Variants in TMEM170A observed in about 807,000 individuals in gnomAD.
TMEM170A encodes transmembrane protein 170A.
A neutral mutation model predicts 12.8 loss-of-function variants in TMEM170A; 18 were observed. The observed-to-expected ratio is 1.41, with a 90% CI of 0.97 to 2.09. The LOEUF (loss-of-function observed/expected upper bound fraction) is 2.09. Ranked by LOEUF, TMEM170A falls within the 30% of genes most tolerant of loss-of-function variation. The probability of loss-of-function intolerance (pLI) is 0.00; values close to 1 mark genes in which losing one functional copy is unlikely to be tolerated. For synonymous variants in TMEM170A, 107 were observed against 76.2 expected (o/e 1.40, Z -2.11); for missense variants, 220 against 179.9 (o/e 1.22, Z -1.28).
intron 1 of TMEM170A, among the ~76,000 whole-genome samples, chr16:75,452,424 C>T (rs113350703): frequency 2.3e-3 from 352 of 152,248 alleles, no homozygotes; most frequent in African/African-American, 7.7e-3. Flanking sequence ...TGTGCTACCA[C>T]GCCTGGCAAA....
At position 75,464,502 on chromosome 16, in the gene TMEM170A, C is replaced by T. The variant is rs768059440; in HGVS notation, c.99G>A (p.Leu33=). Residue 33 remains leucine, a synonymous_variant, in exon 1 of 3, where the codon CTG becomes CTA. Coordinates refer to ENST00000561878, the MANE Select transcript of TMEM170A (RefSeq NM_145254.3). ...AGCAGAGGGAAGTAGAGTTGGGGCA[C>T]AGGGTCCCGTTGCCCACCCGCGGCA... ...KVVPRVGNGT[L]CPNSTSLCSF... The T allele has an allele frequency of 6.3e-7, 1 of 1,580,364 alleles. No individual in the cohort carries two copies. Among genetic ancestry groups the T allele is most frequent in the Non-Finnish European group, 8.6e-7 (1 of 1,166,312 alleles).
At chr16:75,464,428 C>T in intron 1 of TMEM170A, 40 bp downstream of exon 1, 2 of 1,399,898 alleles carry the variant, frequency 1.4e-6, no homozygotes, top group Non-Finnish European at 1.9e-6. Flanking sequence ...GCAGCGGCGA[C>T]GGCGGGGCGC....
intron 1 of TMEM170A, among the ~76,000 whole-genome samples, chr16:75,455,687 C>G (rs866472612): frequency 2.0e-5 from 3 of 152,268 alleles, no homozygotes; most frequent in Admixed American, 1.3e-4. Context: ...TGCCTGTAAT[C>G]CCAGCTACTC....
chr16:75,447,626 T>G lies in TMEM170A; in HGVS notation c.367A>C (p.Thr123Pro). The change falls in exon 3 of 3, where the codon ACA (threonine) becomes CCA (proline). Residue 123 changes from threonine to proline, a missense_variant. Thr to Pro is a conservative substitution (Grantham distance 38). Transcript: ENST00000561878. The part of the protein sequence containing the change: ...GKEMIPFEAL[T>P]LGTGQTFCVL... ...CAAAATGTCTGTCCAGTGCCCAGTG[T>G]GAGGGCTTCAAATGGTATCATTTCC... 1 of 1,612,192 alleles carries G rather than the reference T, an allele frequency of 6.2e-7. No homozygotes were observed. Among genetic ancestry groups the G allele is most frequent in the African/African-American group, 1.3e-5 (1 of 74,694 alleles).
rs2079598497 is a variant in TMEM170A, at chr16:75,447,017, A to G, written c.*541T>C. 1 of 152,178 alleles carries G rather than the reference A, an allele frequency of 6.6e-6. No homozygotes were observed. The highest frequency in any genetic ancestry group is 1.5e-5 in the Non-Finnish European group (1 of 68,026). The allele number at this position is 152,178 out of a possible 1,614,324, so 9.4% of individuals were successfully genotyped here. A position where few individuals can be genotyped will look rare whatever the true frequency, so the allele number is the denominator to read the frequency against. ...AAAGCCACTACTTGAGTTATACTTAAATTTTTTTTCCTGCTTTATTTCACC... is the reference window on the plus strand; with the variant it reads ...AAAGCCACTACTTGAGTTATACTTAGATTTTTTTTCCTGCTTTATTTCACC... On this transcript the variant is annotated 3_prime_UTR_variant, in exon 3 of 3. Coordinates refer to ENST00000561878, the MANE Select transcript of TMEM170A (RefSeq NM_145254.3).
At chr16:75,448,521 G>A (rs563684989) in intron 2 of TMEM170A, among the ~76,000 whole-genome samples, 2 of 152,298 alleles carry the variant, frequency 1.3e-5, no homozygotes, top group South Asian at 4.1e-4. Flanking sequence ...CCAGCACTTT[G>A]GGAGGCCGAG....
chr16:75,451,731 A>T lies in TMEM170A; in HGVS notation c.242T>A (p.Phe81Tyr). The change falls in exon 2 of 3, where the codon TTC becomes TAC. Residue 81 changes from phenylalanine (F) to tyrosine (Y), a missense_variant. Coordinates refer to ENST00000561878, the MANE Select transcript of TMEM170A (RefSeq NM_145254.3). ...FTLRHHKYGR[F>Y]MSVSILLMGI... ...CATCAACAGGATGCTTACAGACATG[A>T]ACCTACCATATTTGTGATGTCTGAG... 1 of 1,614,212 alleles carries T rather than the reference A, an allele frequency of 6.2e-7. No individual in the cohort carries two copies.
At chr16:75,450,868 C>A (rs2079669024) in intron 2 of TMEM170A, among the ~76,000 whole-genome samples, 1 of 152,138 alleles carries the variant, frequency 6.6e-6, no homozygotes, top group African/African-American at 2.4e-5. Context: ...TGCTATGTTG[C>A]TGAGGCTAGT....
intron 2 of TMEM170A, among the ~76,000 whole-genome samples, chr16:75,450,677 C>T (rs2079665986): frequency 6.6e-6 from 1 of 151,972 alleles, no homozygotes; most frequent in South Asian, 2.1e-4. Flanking sequence ...TTTTTTTCCC[C>T]CGGGTCTTGC....
intron 1 of TMEM170A, among the ~76,000 whole-genome samples, chr16:75,456,844 C>A: frequency 6.6e-6 from 1 of 152,134 alleles, no homozygotes. Context: ...CAGCTGAGGC[C>A]CCCTGTCCAC....
intron 2 of TMEM170A, chr16:75,451,453 G>A (rs948716485): frequency 4.1e-5 from 25 of 607,206 alleles, no homozygotes; most frequent in Middle Eastern, 4.3e-4. Context: ...GGAGGCTGAT[G>A]GAGGAGGATT....
chr16:75,460,559 T>C (rs2079885229), intron 1 of TMEM170A, among the ~76,000 whole-genome samples: 1 of 152,162 alleles, frequency 6.6e-6, no homozygotes, highest in African/African-American at 2.4e-5. Flanking sequence ...TTCTTCAGAT[T>C]TTGACTCCAA....
chr16:75,447,615 A>G lies in TMEM170A; in HGVS notation c.378T>C (p.Thr126=), dbSNP rs377575254. 4 of 1,613,664 alleles carry G rather than the reference A, an allele frequency of 2.5e-6. No individual in the cohort carries two copies. The highest frequency in any genetic ancestry group is 2.7e-5 in the African/African-American group (2 of 75,026). Residue 126 remains threonine (T), a synonymous_variant, in exon 3 of 3, where the codon ACT becomes ACC. Transcript: ENST00000561878. ...CCACCAAGACGCAAAATGTCTGTCC[A>G]GTGCCCAGTGTGAGGGCTTCAAATG... is the stretch of plus-strand genomic sequence containing the variant. ...MIPFEALTLG[T]GQTFCVLVVS... is the part of the protein sequence containing the mutation.
chr16:75,463,611 G>C (rs1318898204), intron 1 of TMEM170A, among the ~76,000 whole-genome samples: 6 of 152,218 alleles, frequency 3.9e-5, no homozygotes, highest in Non-Finnish European at 8.8e-5. Context: ...GAAGACCTCA[G>C]TCCCCTCTGC....
intron 1 of TMEM170A, among the ~76,000 whole-genome samples, chr16:75,459,682 C>T (rs958659764): frequency 6.6e-6 from 1 of 152,040 alleles, no homozygotes. Context: ...CACAGTGAAA[C>T]CCCATCTCTA....
chr16:75,447,447 T>C lies in TMEM170A; in HGVS notation c.*111A>G. On this transcript the variant is annotated 3_prime_UTR_variant, in exon 3 of 3. Coordinates refer to ENST00000561878, the MANE Select transcript of TMEM170A (RefSeq NM_145254.3). Reference sequence around the variant, plus strand: ...GATGTGTTGTCCTTCATGTTCCTGTTCATCCAAGTTGCTTCCCTTTGAAGA... The same window carrying C: ...GATGTGTTGTCCTTCATGTTCCTGTCCATCCAAGTTGCTTCCCTTTGAAGA... 8.2e-7 allele frequency: 1 copy of C among 1,222,648 alleles called. No individual in the cohort carries two copies. The highest frequency in any genetic ancestry group is 2.1e-5 in the South Asian group (1 of 48,670). 75.7% of individuals were successfully genotyped at this position (1,222,648 alleles called of 1,614,324 possible). A position where few individuals can be genotyped will look rare whatever the true frequency, so the allele number is the denominator to read the frequency against.
intron 1 of TMEM170A, 64 bp from the exon 2 acceptor site, chr16:75,451,903 G>A: frequency 7.1e-7 from 1 of 1,415,620 alleles, no homozygotes. Flanking sequence ...ATTGCAGAGG[G>A]TACTCATCAT....
chr16:75,455,202 A>C (rs2079767710), intron 1 of TMEM170A, among the ~76,000 whole-genome samples: 2 of 152,108 alleles, frequency 1.3e-5, no homozygotes, highest in South Asian at 4.1e-4. Context: ...CTAAAAATAC[A>C]AAGAATTAGC....
intron 1 of TMEM170A, chr16:75,458,971 G>T (rs1200557516): frequency 1.3e-5 from 2 of 152,040 alleles, no homozygotes; most frequent in African/African-American, 4.8e-5. Context: ...TCGACTCACT[G>T]CAACCTCTGC....
Sources: gnomAD v4.1 joint callset for allele counts (sites outside exome capture counted in the v4.1 genomes callset) on GRCh38, gnomAD v4.1.1 for gene constraint, MANE v1.5 for transcripts, NCBI Gene and HGNC (gene_info 2026-07-23, HGNC 2026-07-21) for gene names.